C3orf49: variants seen among roughly 807,000 people sequenced by gnomAD.
C3orf49 encodes the protein chromosome 3 open reading frame 49.
Under a neutral mutation model 13.3 loss-of-function variants are expected in C3orf49, and 27 were observed. That is an observed-to-expected ratio of 2.02 (90% CI 1.49 to 2.79). The LOEUF is 2.79. Among genes scored for constraint, C3orf49 ranks in the 30% most tolerant of loss-of-function variants. The pLI is 0.00. For missense variants in C3orf49, 242 were observed against 134.2 expected (o/e 1.80, Z -3.97); for synonymous variants, 87 against 47.6 (o/e 1.83, Z -3.40).
chr3:63,807,857 C>CAAAAAAAAAAAAAA, the C3orf49 span, among the ~76,000 whole-genome samples: 2 of 32,240 alleles, frequency 6.2e-5, no homozygotes, highest in Non-Finnish European at 7.3e-5. Flanking sequence ...AACTTCATCT[C>CAAAAAAAAAAAAAA]AAAAAAAAAA....
chr3:63,826,190 C>A (rs1196967399), intron 2 of C3orf49, among the ~76,000 whole-genome samples: 2 of 152,124 alleles, frequency 1.3e-5, no homozygotes, highest in Non-Finnish European at 2.9e-5. Flanking sequence ...GATAAGAAAC[C>A]ACTGGATACT....
chr3:63,841,377 G>A (rs574319653), intron 5 of C3orf49, among the ~76,000 whole-genome samples: 1 of 152,232 alleles, frequency 6.6e-6, no homozygotes, highest in African/African-American at 2.4e-5. Flanking sequence ...GGGGTTTTCT[G>A]TTTTGTTTTT....
chr3:63,789,735 C>T, the C3orf49 span, among the ~76,000 whole-genome samples: 1 of 146,332 alleles, frequency 6.8e-6, no homozygotes, highest in African/African-American at 2.5e-5. Context: ...TGCTTGAACC[C>T]TGGGGGCAGA....
the C3orf49 span, among the ~76,000 whole-genome samples, chr3:63,792,253 G>A: frequency 1.3e-5 from 2 of 152,172 alleles, no homozygotes; most frequent in Non-Finnish European, 2.9e-5. Flanking sequence ...TTAAAACTGT[G>A]ATTGTGGTTT....
upstream of C3orf49, among the ~76,000 whole-genome samples, chr3:63,814,749 C>T (rs1701305260): frequency 6.6e-6 from 1 of 152,044 alleles, no homozygotes; most frequent in African/African-American, 2.4e-5. Context: ...CACTGTTCCC[C>T]CTTTAGTTAA....
chr3:63,806,435 A>G, the C3orf49 span, among the ~76,000 whole-genome samples: 64 of 152,368 alleles, frequency 4.2e-4, no homozygotes, highest in African/African-American at 1.4e-3. Flanking sequence ...GCAATGTGAT[A>G]TAATAATGTT....
intron 5 of C3orf49, chr3:63,835,250 CA>C (rs1701605520): frequency 6.2e-7 from 1 of 1,612,942 alleles, no homozygotes; most frequent in African/African-American, 1.3e-5. Context: ...AAAATTTATA[CA>C]AATGACCTGT....
chr3:63,838,714 G>A (rs1266641439), intron 5 of C3orf49, among the ~76,000 whole-genome samples: 2 of 151,786 alleles, frequency 1.3e-5, no homozygotes, highest in African/African-American at 4.8e-5. Context: ...GCAAAGGTGG[G>A]ATTGTTGTTC....
At chr3:63,828,861 C>T (rs938162465) in intron 3 of C3orf49, among the ~76,000 whole-genome samples, 12 of 152,142 alleles carry the variant, frequency 7.9e-5, no homozygotes, top group Non-Finnish European at 1.5e-5. Flanking sequence ...CCCAGGAACA[C>T]CTGGCTCTAG....
chr3:63,785,584 G>C, the C3orf49 span, among the ~76,000 whole-genome samples: 5 of 152,074 alleles, frequency 3.3e-5, no homozygotes, highest in Admixed American at 6.5e-5. Flanking sequence ...ATAATAACTT[G>C]AACCAGTGGC....
At chr3:63,830,629 T>A (rs1438674713) in intron 3 of C3orf49, among the ~76,000 whole-genome samples, 1 of 152,146 alleles carries the variant, frequency 6.6e-6, no homozygotes, top group African/African-American at 2.4e-5. Context: ...GGGAAAAGTA[T>A]CAGGCATGGG....
At chr3:63,832,527 G>A (rs1169939686) in intron 5 of C3orf49, among the ~76,000 whole-genome samples, 3 of 151,080 alleles carry the variant, frequency 2.0e-5, no homozygotes, top group Non-Finnish European at 3.0e-5. Flanking sequence ...TGAGTATGGC[G>A]ATGTGTTGCC....
At chr3:63,812,512 T>C in the C3orf49 span, among the ~76,000 whole-genome samples, 2 of 152,208 alleles carry the variant, frequency 1.3e-5, no homozygotes, top group Non-Finnish European at 2.9e-5. Flanking sequence ...ACAAACTAAG[T>C]TGAAATAAAA....
chr3:63,838,289 C>T (rs1275817260), intron 5 of C3orf49: 12 of 1,055,168 alleles, frequency 1.1e-5, no homozygotes, highest in South Asian at 1.8e-5. Context: ...ATTCTTTTAC[C>T]ACCAAAGAAA....
chr3:63,830,822 C>T (rs1239179201), intron 3 of C3orf49, among the ~76,000 whole-genome samples: 1 of 152,170 alleles, frequency 6.6e-6, no homozygotes, highest in Admixed American at 6.5e-5. Flanking sequence ...ATTTCTTCTT[C>T]TTCCCCTTAC....
At chr3:63,813,913 G>C in the C3orf49 span, among the ~76,000 whole-genome samples, 4 of 152,144 alleles carry the variant, frequency 2.6e-5, no homozygotes, top group Non-Finnish European at 2.9e-5. Flanking sequence ...TGTATCAAAG[G>C]ATTCTGCTTC....
At chr3:63,804,732 C>A in the C3orf49 span, among the ~76,000 whole-genome samples, 4 of 152,130 alleles carry the variant, frequency 2.6e-5, no homozygotes, top group Admixed American at 1.3e-4. Flanking sequence ...GCAAAAACTG[C>A]AATTACATTT....
rs770356536 is a variant in C3orf49 at position 63,831,133 on chromosome 3, AC to A, written c.596del (p.Pro199HisfsTer22). The stretch of plus-strand genomic sequence containing the variant: ...AGGGGCCATATTCACCAAAAAAGAG[AC>A]CACACTTTCCAGCACTTAAAAAAAA... ...QKGPYSPKKR[P>X]HFPALKKKKR... On this transcript the variant is annotated frameshift_variant, in exon 4 of 7. Transcript: ENST00000295896. LOFTEE classifies it high-confidence loss of function. 4.3e-6 allele frequency: 3 copies of A among 702,274 alleles called. No individual in the cohort carries two copies. The East Asian group carries it at 8.1e-5, about 19-fold the overall frequency. 43.5% of individuals were successfully genotyped at this position (702,274 alleles called of 1,614,324 possible). A position where few individuals can be genotyped will look rare whatever the true frequency, so the allele number is the denominator to read the frequency against.
intron 5 of C3orf49, chr3:63,838,477 G>C (rs1353530771): frequency 1.2e-6 from 2 of 1,608,738 alleles, no homozygotes; most frequent in Non-Finnish European, 1.7e-6. Context: ...AGCGTGCTCA[G>C]CATACGTTGG....
Sources: allele counts gnomAD v4.1 joint callset (sites outside exome capture counted in the v4.1 genomes callset), GRCh38; gene constraint gnomAD v4.1.1; transcripts MANE v1.5; gene names NCBI Gene and HGNC (gene_info 2026-07-23, HGNC 2026-07-21).